Variants in INSL6 observed in about 807,000 individuals in gnomAD.
The protein encoded by INSL6 is insulin like 6, also known as insulin-like peptide INSL6.
Under a neutral mutation model 9.4 loss-of-function variants are expected in INSL6, and 16 were observed. That is an observed-to-expected ratio of 1.70 (90% CI 1.15 to 2.59). INSL6 has a LOEUF of 2.59. Ranked by LOEUF, INSL6 falls within the 30% of genes most tolerant of loss-of-function variation. The pLI, the probability that INSL6 is intolerant of heterozygous loss-of-function variation, is 0.00. For missense variants in INSL6, 391 were observed against 257.3 expected, an observed-to-expected ratio of 1.52 and a Z score of -3.56; for synonymous variants, 154 against 96.9, an observed-to-expected ratio of 1.59 and a Z score of -3.46.
At chr9:5,001,313 T>C in the INSL6 span, among the ~76,000 whole-genome samples, 1 of 152,194 alleles carries the variant, frequency 6.6e-6, no homozygotes. Flanking sequence ...CATTAAGTAA[T>C]AGAAGGTTGT....
chr9:5,130,728 T>A (rs867967877), intron 3 of INSL6, among the ~76,000 whole-genome samples: 3 of 149,682 alleles, frequency 2.0e-5, no homozygotes, highest in African/African-American at 7.3e-5. Flanking sequence ...TATTTTTTAT[T>A]TTTTTTTTTA....
chr9:5,065,505 A>G, the INSL6 span, among the ~76,000 whole-genome samples: 9 of 152,318 alleles, frequency 5.9e-5, no homozygotes, highest in South Asian at 2.1e-4. Context: ...AAAATATTCT[A>G]TATCTGTGCT....
intron 2 of INSL6, among the ~76,000 whole-genome samples, chr9:5,158,585 A>G (rs1341307438): frequency 2.0e-5 from 3 of 152,192 alleles, no homozygotes; most frequent in Admixed American, 1.3e-4. Context: ...TGACATATTT[A>G]AAGTGTTAAA....
At chr9:5,070,615 T>C in the INSL6 span, among the ~76,000 whole-genome samples, 4 of 152,270 alleles carry the variant, frequency 2.6e-5, no homozygotes, top group Admixed American at 2.0e-4. Flanking sequence ...CAGGACTTGC[T>C]GTGTCACCCA....
the INSL6 span, among the ~76,000 whole-genome samples, chr9:5,011,273 A>G: frequency 6.6e-6 from 1 of 151,708 alleles, no homozygotes; most frequent in Non-Finnish European, 1.5e-5. Context: ...GCAGCCTCAA[A>G]CTCCTGAGCG....
chr9:5,073,348 A>G, the INSL6 span, among the ~76,000 whole-genome samples: 1 of 152,206 alleles, frequency 6.6e-6, no homozygotes, highest in South Asian at 2.1e-4. Flanking sequence ...GGCTACATCC[A>G]TCTACCTCAG....
the INSL6 span, among the ~76,000 whole-genome samples, chr9:5,084,427 G>T: frequency 5.3e-4 from 81 of 152,150 alleles, no homozygotes; most frequent in African/African-American, 1.8e-3. Flanking sequence ...ATTAGCTACT[G>T]TATCCCTTTG....
At chr9:5,043,133 A>T in the INSL6 span, among the ~76,000 whole-genome samples, 4 of 152,194 alleles carry the variant, frequency 2.6e-5, no homozygotes, top group African/African-American at 9.6e-5. Flanking sequence ...CCAGCCCCGC[A>T]GGTGTATGTG....
chr9:5,025,696 C>T, the INSL6 span, among the ~76,000 whole-genome samples: 5 of 152,054 alleles, frequency 3.3e-5, no homozygotes, highest in Admixed American at 6.6e-5. Flanking sequence ...CCACACCCAG[C>T]TAATTTTTGT....
the INSL6 span, chr9:5,050,673 T>C: frequency 1.9e-6 from 3 of 1,606,468 alleles, no homozygotes; most frequent in Non-Finnish European, 2.6e-6. Flanking sequence ...TTCCTTCAAA[T>C]TTTTGGTTTT....
chr9:5,117,640 T>C, the INSL6 span, among the ~76,000 whole-genome samples: 2 of 151,870 alleles, frequency 1.3e-5, no homozygotes, highest in South Asian at 2.1e-4. Flanking sequence ...ACATTACTTA[T>C]GTTAACAGGT....
At chr9:5,023,985 G>A in the INSL6 span, among the ~76,000 whole-genome samples, 4 of 152,018 alleles carry the variant, frequency 2.6e-5, no homozygotes, top group African/African-American at 7.2e-5. Flanking sequence ...GGCCGGGCAC[G>A]GTGGCTTACA....
At chr9:5,065,158 A>T in the INSL6 span, 2 of 566,940 alleles carry the variant, frequency 3.5e-6, no homozygotes, top group Non-Finnish European at 5.6e-6. Flanking sequence ...AGTTTTTTTT[A>T]AACAAAAGGC....
At chr9:5,127,305 G>A (rs1824065184) in intron 3 of INSL6, 1 of 231,988 alleles carries the variant, frequency 4.3e-6, no homozygotes, top group East Asian at 6.1e-5. Context: ...AAATTAAGAT[G>A]TTCAGATAAT....
chr9:5,048,057 C>T, the INSL6 span, among the ~76,000 whole-genome samples: 5 of 152,164 alleles, frequency 3.3e-5, no homozygotes, highest in African/African-American at 1.2e-4. Flanking sequence ...TGCCATCACT[C>T]ATTTTTCATA....
At chr9:5,096,014 G>C in the INSL6 span, among the ~76,000 whole-genome samples, 6 of 152,228 alleles carry the variant, frequency 3.9e-5, no homozygotes, top group South Asian at 1.2e-3. Context: ...CTGCCTGAAT[G>C]AGTCATCATT....
At chr9:5,155,291 T>A (rs897437884) in intron 2 of INSL6, among the ~76,000 whole-genome samples, 2 of 131,698 alleles carry the variant, frequency 1.5e-5, no homozygotes, top group Non-Finnish European at 3.2e-5. Context: ...CACATGGACA[T>A]TGGAAGGGGA....
intron 1 of INSL6, among the ~76,000 whole-genome samples, chr9:5,176,885 A>C (rs1825320909): frequency 6.6e-6 from 1 of 152,234 alleles, no homozygotes; most frequent in Admixed American, 6.5e-5. Flanking sequence ...TCTCTAGCCA[A>C]GTCACTAACT....
chr9:5,114,335 C>G, the INSL6 span: 1 of 535,096 alleles, frequency 1.9e-6, no homozygotes, highest in African/African-American at 1.9e-5. Flanking sequence ...TGGCTCAGGT[C>G]ATCCTAAGGC....
Sources: gnomAD v4.1 joint callset for allele counts (sites outside exome capture counted in the v4.1 genomes callset) on GRCh38, gnomAD v4.1.1 for gene constraint, MANE v1.5 for transcripts, NCBI Gene and HGNC (gene_info 2026-07-23, HGNC 2026-07-21) for gene names.